The following GRM2 variants were observed in gnomAD, a reference collection of about 807,000 sequenced individuals.
GRM2 encodes metabotropic glutamate receptor 2.
Under a neutral mutation model 60.4 loss-of-function variants are expected in GRM2, and 35 were observed. That is an observed-to-expected ratio of 0.58 (90% CI 0.44 to 0.77). The LOEUF is 0.77. Among genes scored for constraint, GRM2 ranks in the 30% least tolerant of loss-of-function variants. GRM2 has a pLI of 0.00. For missense variants in GRM2, 925 were observed against 1,199.5 expected (o/e 0.77, Z 3.38); for synonymous variants, 437 against 484.1 (o/e 0.90, Z 1.28).
chr3:51,712,414 C>T lies in GRM2; in HGVS notation c.451-59C>T. On this transcript the variant is annotated intron_variant, in intron 2 of 5. Coordinates refer to ENST00000395052, the MANE Select transcript of GRM2 (RefSeq NM_000839.5). The surrounding 1 kb of genome is among the most constrained non-coding windows in gnomAD (Gnocchi z 5.3). ...CAAGACCTGCTAGCTGTGGGGGATG[C>T]ACCTGTCTCTAGTGTTTGATCTGAC... is the stretch of plus-strand genomic sequence containing the variant. 1.8e-6 allele frequency: 2 copies of T among 1,110,270 alleles called. No homozygotes were observed. Among genetic ancestry groups the T allele is most frequent in the Admixed American group, 1.8e-5 (1 of 56,410 alleles). The allele number at this position is 1,110,270 out of a possible 1,614,324, so 68.8% of individuals were successfully genotyped here.
At chr3:51,711,902 A>T in intron 2 of GRM2, among the ~76,000 whole-genome samples, 1 of 152,192 alleles carries the variant, frequency 6.6e-6, no homozygotes, top group Non-Finnish European at 1.5e-5. Flanking sequence ...AGGGTGGGAG[A>T]TGGGGTGCCA....
Position 51,713,454 on chromosome 3 carries a change from G to A in GRM2, c.1288+144G>A, listed in dbSNP as rs1236299276. 1.7e-5 allele frequency: 11 copies of A among 636,174 alleles called. No individual in the cohort carries two copies. The highest frequency in any genetic ancestry group is 3.0e-5 in the Non-Finnish European group (11 of 365,472). 39.4% of individuals were successfully genotyped at this position (636,174 alleles called of 1,614,324 possible). Reference sequence around the variant, plus strand: ...GGGGTGGCGTCAGAGCAAGGGCAAGGATGCTAGGCAGAGAGGACTCCAACT... The same window carrying A: ...GGGGTGGCGTCAGAGCAAGGGCAAGAATGCTAGGCAGAGAGGACTCCAACT... On this transcript the variant is annotated intron_variant, in intron 3 of 5. Coordinates refer to ENST00000395052, the MANE Select transcript of GRM2 (RefSeq NM_000839.5). The surrounding 1 kb of genome is among the most constrained non-coding windows in gnomAD (Gnocchi z 4.8).
In GRM2 at chr3:51,708,928, T is replaced by C. The variant is rs1703594329; in HGVS notation, c.-56T>C. ...CTCCTCTCTTTGCCTTCGCTGCTTCTAATCTCATCCCCTGGAGACCCAGGT... is the reference window on the plus strand; with the variant it reads ...CTCCTCTCTTTGCCTTCGCTGCTTCCAATCTCATCCCCTGGAGACCCAGGT... On this transcript the variant is annotated 5_prime_UTR_variant, in exon 2 of 6. Coordinates refer to ENST00000395052, the MANE Select transcript of GRM2 (RefSeq NM_000839.5). The C allele has an allele frequency of 1.5e-6, 2 of 1,365,648 alleles. No individual in the cohort carries two copies. Among genetic ancestry groups the C allele is most frequent in the South Asian group, 1.4e-5 (1 of 70,490 alleles). The allele number at this position is 1,365,648 out of a possible 1,614,324, so 84.6% of individuals were successfully genotyped here.
Position 51,715,784 on chromosome 3 carries a change from C to A in GRM2, c.2011C>A (p.Pro671Thr). Residue 671 changes from proline (P) to threonine (T), a missense_variant, in exon 4 of 6, where the codon CCA (proline) becomes ACA (threonine). By Grantham distance (38) the Pro-to-Thr change is conservative. Transcript: ENST00000395052. This position sits in a 1 kb window ranked among gnomAD's most constrained non-coding sequence, Gnocchi z 9.0. ...TGGGGCCCGGGAGGGTGCCCAGCGGCCACGCTTCATCAGTCCTGCCTCACA... is the reference window on the plus strand; with the variant it reads ...TGGGGCCCGGGAGGGTGCCCAGCGGACACGCTTCATCAGTCCTGCCTCACA... ...FGGAREGAQR[P>T]RFISPASQVA... 6.2e-7 allele frequency: 1 copy of A among 1,613,444 alleles called. No individual in the cohort carries two copies. The highest frequency in any genetic ancestry group is 8.5e-7 in the Non-Finnish European group (1 of 1,179,608).
chr3:51,714,960 G>A, intron 3 of GRM2, 102 bp from the exon 4 acceptor site: 2 of 671,908 alleles, frequency 3.0e-6, no homozygotes, highest in Non-Finnish European at 5.1e-6. Flanking sequence ...GCTAATGGTG[G>A]TCTTAGCTCT....
In GRM2 at chr3:51,713,883, A is replaced by T. The variant is rs1324504880; in HGVS notation, c.1288+573A>T. On this transcript the variant is annotated intron_variant, in intron 3 of 5. Coordinates refer to ENST00000395052, the MANE Select transcript of GRM2 (RefSeq NM_000839.5). The surrounding 1 kb of genome is among the most constrained non-coding windows in gnomAD (Gnocchi z 4.8). ...GCGATCCTTCTGCCTCAGTCTCCAGAGTAGCTAGGATGACAGGCATGTGGC... is the reference window on the plus strand; with the variant it reads ...GCGATCCTTCTGCCTCAGTCTCCAGTGTAGCTAGGATGACAGGCATGTGGC... 7 of 425,490 alleles carry T rather than the reference A, an allele frequency of 1.6e-5. No homozygotes were observed. Among genetic ancestry groups the T allele is most frequent in the Non-Finnish European group, 9.6e-6 (2 of 208,436 alleles). 26.4% of individuals were successfully genotyped at this position (425,490 alleles called of 1,614,324 possible). A position where few individuals can be genotyped will look rare whatever the true frequency, so the allele number is the denominator to read the frequency against.
chr3:51,712,329 G>A lies in GRM2; in HGVS notation c.451-144G>A. The stretch of plus-strand genomic sequence containing the variant: ...CCTAGCCCAGAGGGAAGACTGTCAA[G>A]TCAGGATGCAGGGCTTTAGAGAGGG... On this transcript the variant is annotated intron_variant, in intron 2 of 5. Coordinates refer to ENST00000395052, the MANE Select transcript of GRM2 (RefSeq NM_000839.5). The surrounding 1 kb of genome is among the most constrained non-coding windows in gnomAD (Gnocchi z 5.3). 1 of 674,462 alleles carries A rather than the reference G, an allele frequency of 1.5e-6. No individual in the cohort carries two copies. Among genetic ancestry groups the A allele is most frequent in the Non-Finnish European group, 2.6e-6 (1 of 378,726 alleles). The allele number at this position is 674,462 out of a possible 1,614,324, so 41.8% of individuals were successfully genotyped here.
intron 2 of GRM2, among the ~76,000 whole-genome samples, chr3:51,709,965 T>TTA (rs1703655542): frequency 6.6e-6 from 1 of 151,056 alleles, no homozygotes; most frequent in South Asian, 2.1e-4. Flanking sequence ...AGCTTCTTCC[T>TTA]TATAAAATTG....
At position 51,717,550 on chromosome 3, in the gene GRM2, C is replaced by G. The variant is rs915197619; in HGVS notation, c.2365-87C>G. 1.9e-6 allele frequency: 2 copies of G among 1,058,400 alleles called. No individual in the cohort carries two copies. Among genetic ancestry groups the G allele is most frequent in the Admixed American group, 2.0e-5 (1 of 51,252 alleles). The allele number at this position is 1,058,400 out of a possible 1,614,324, so 65.6% of individuals were successfully genotyped here. On this transcript the variant is annotated intron_variant, in intron 4 of 5. Transcript: ENST00000395052. The surrounding 1 kb of genome is among the most constrained non-coding windows in gnomAD (Gnocchi z 6.0). ...CCAGTGTTGGATGCTTAGTCTCCCC[C>G]ACTCCCTCCCCCACAGATCAGGCAG...
At position 51,712,794 on chromosome 3, in the gene GRM2, C is replaced by A. The variant is rs1284240364; in HGVS notation, c.772C>A (p.Leu258Met). 2 of 1,613,046 alleles carry A rather than the reference C, an allele frequency of 1.2e-6. No homozygotes were observed. The highest frequency in any genetic ancestry group is 1.7e-5 in the Admixed American group (1 of 60,010). ...AAFEGVVRAL[L>M]QKPSARVAVL... ...CTTTGAGGGTGTGGTGCGAGCCCTGCTGCAGAAGCCCAGTGCCCGCGTGGC... is the reference window on the plus strand; with the variant it reads ...CTTTGAGGGTGTGGTGCGAGCCCTGATGCAGAAGCCCAGTGCCCGCGTGGC... The change falls in exon 3 of 6, where the codon CTG (leucine) becomes ATG (methionine). Residue 258 changes from leucine (L) to methionine (M), a missense_variant. Transcript: ENST00000395052. This position sits in a 1 kb window ranked among gnomAD's most constrained non-coding sequence, Gnocchi z 5.3.
Position 51,712,807 on chromosome 3 carries a change from G to C in GRM2, c.785G>C (p.Ser262Thr). ...GVVRALLQKPSARVAVLFTRS... is the reference protein window; with the variant it reads ...GVVRALLQKPTARVAVLFTRS... ...GTGCGAGCCCTGCTGCAGAAGCCCA[G>C]TGCCCGCGTGGCTGTCCTGTTCACC... The change falls in exon 3 of 6, where the codon AGT becomes ACT. Residue 262 changes from serine (S) to threonine (T), a missense_variant. Transcript: ENST00000395052. The surrounding 1 kb of genome is among the most constrained non-coding windows in gnomAD (Gnocchi z 5.3). 2 of 1,612,866 alleles carry C rather than the reference G, an allele frequency of 1.2e-6. No individual in the cohort carries two copies. The highest frequency in any genetic ancestry group is 1.6e-4 in the Middle Eastern group (1 of 6,082).
At position 51,712,015 on chromosome 3, in the gene GRM2, GGA is replaced by G. The variant is rs1483127554; in HGVS notation, c.451-457_451-456del. Among the ~76,000 whole-genome samples, 1 of 152,168 alleles carries G rather than the reference GGA, an allele frequency of 6.6e-6. No homozygotes were observed. The highest frequency in any genetic ancestry group is 2.4e-5 in the African/African-American group (1 of 41,430). On this transcript the variant is annotated intron_variant, in intron 2 of 5. Transcript: ENST00000395052. This position sits in a 1 kb window ranked among gnomAD's most constrained non-coding sequence, Gnocchi z 5.3. ...TGGGATCTGTGTCTTTCTTCCTAGG[GGA>G]AACTTTTCCTTCTTTCTGTATCATT...
intron 1 of GRM2, chr3:51,708,078 C>G: frequency 6.6e-6 from 1 of 152,080 alleles, no homozygotes; most frequent in Non-Finnish European, 1.5e-5. Context: ...CTACACAGAG[C>G]TAGAGAGTCC....
chr3:51,714,018 A>G (rs749587683), intron 3 of GRM2: 6 of 453,300 alleles, frequency 1.3e-5, no homozygotes, highest in South Asian at 9.4e-5. Flanking sequence ...TGCCAGCTTT[A>G]AGAGAAATGA....
At position 51,714,839 on chromosome 3, in the gene GRM2, A is replaced by G. The variant is rs1234539974; in HGVS notation, c.1289-223A>G. 6 of 418,146 alleles carry G rather than the reference A, an allele frequency of 1.4e-5. No individual in the cohort carries two copies. The Admixed American group carries it at 2.5e-4, about 17-fold the overall frequency. 25.9% of individuals were successfully genotyped at this position (418,146 alleles called of 1,614,324 possible). On this transcript the variant is annotated intron_variant, in intron 3 of 5. Transcript: ENST00000395052. ...AAGGCTGGGATTACATTTGGCATTT[A>G]GGGTTGGGGTTTGATGTTGGAGTTT...
In GRM2 at chr3:51,717,549, C is replaced by A; in HGVS notation, c.2365-88C>A. The A allele has an allele frequency of 2.9e-6, 3 of 1,047,486 alleles. No homozygotes were observed. The highest frequency in any genetic ancestry group is 4.8e-5 in the East Asian group (2 of 41,600). 64.9% of individuals were successfully genotyped at this position (1,047,486 alleles called of 1,614,324 possible). ...CCCAGTGTTGGATGCTTAGTCTCCC[C>A]CACTCCCTCCCCCACAGATCAGGCA... On this transcript the variant is annotated intron_variant, in intron 4 of 5. Coordinates refer to ENST00000395052, the MANE Select transcript of GRM2 (RefSeq NM_000839.5). This position sits in a 1 kb window ranked among gnomAD's most constrained non-coding sequence, Gnocchi z 6.0.
In GRM2 at chr3:51,717,945, G is replaced by T; in HGVS notation, c.2546-94G>T. On this transcript the variant is annotated intron_variant, in intron 5 of 5. Coordinates refer to ENST00000395052, the MANE Select transcript of GRM2 (RefSeq NM_000839.5). The surrounding 1 kb of genome is among the most constrained non-coding windows in gnomAD (Gnocchi z 6.0). Reference sequence around the variant, plus strand: ...ACTGGCAGGAGAGGACAGGAGAGGGGAGGGGAGGCTTCCCTCACAGCCCTG... The same window carrying T: ...ACTGGCAGGAGAGGACAGGAGAGGGTAGGGGAGGCTTCCCTCACAGCCCTG... The T allele has an allele frequency of 7.0e-7, 1 of 1,427,838 alleles. No individual in the cohort carries two copies. The highest frequency in any genetic ancestry group is 9.9e-7 in the Non-Finnish European group (1 of 1,010,458). The allele number at this position is 1,427,838 out of a possible 1,614,324, so 88.4% of individuals were successfully genotyped here. A position where few individuals can be genotyped will look rare whatever the true frequency, so the allele number is the denominator to read the frequency against.
Position 51,717,714 on chromosome 3 carries a change from G to A in GRM2, c.2442G>A (p.Leu814=), listed in dbSNP as rs1703952959. 2 of 1,613,966 alleles carry A rather than the reference G, an allele frequency of 1.2e-6. No homozygotes were observed. The highest frequency in any genetic ancestry group is 1.7e-6 in the Non-Finnish European group (2 of 1,179,998). The change falls in exon 5 of 6, where the codon CTG becomes CTA. Residue 814 remains leucine, a synonymous_variant. Coordinates refer to ENST00000395052, the MANE Select transcript of GRM2 (RefSeq NM_000839.5). The surrounding 1 kb of genome is among the most constrained non-coding windows in gnomAD (Gnocchi z 6.0). ...TTGGCTGCCTCTTTGCGCCCAAGCT[G>A]CACATCATCCTCTTCCAGCCGCAGA... ...VVLGCLFAPK[L]HIILFQPQKN...
rs371871541 is a variant in GRM2 at position 51,718,415 on chromosome 3, C to T, written c.*303C>T. On this transcript the variant is annotated 3_prime_UTR_variant, in exon 6 of 6. Coordinates refer to ENST00000395052, the MANE Select transcript of GRM2 (RefSeq NM_000839.5). The surrounding 1 kb of genome is among the most constrained non-coding windows in gnomAD (Gnocchi z 4.2). ...TGCCCTGGACCCGGGTGGCTGAGGACGGCAGGCCCCAGTCCTAACCAGCAA... is the reference window on the plus strand; with the variant it reads ...TGCCCTGGACCCGGGTGGCTGAGGATGGCAGGCCCCAGTCCTAACCAGCAA... 2.0e-5 allele frequency: 8 copies of T among 407,010 alleles called. No homozygotes were observed. Among genetic ancestry groups the T allele is most frequent in the East Asian group, 5.1e-5 (1 of 19,756 alleles). 25.2% of individuals were successfully genotyped at this position (407,010 alleles called of 1,614,324 possible).
Sources: gnomAD v4.1 joint callset for allele counts (sites outside exome capture counted in the v4.1 genomes callset) on GRCh38, gnomAD v4.1.1 for gene constraint, Gnocchi (gnomAD v3.1) non-coding constraint, MANE v1.5 for transcripts, NCBI Gene and HGNC (gene_info 2026-07-23, HGNC 2026-07-21) for gene names.